RORB: variants seen among roughly 807,000 people sequenced by gnomAD.
RORB encodes nuclear receptor ROR-beta.
In RORB, 6 loss-of-function variants were observed where a neutral mutation model predicts 59.1. The ratio of observed to expected loss-of-function variants is 0.10; its 90% CI spans 0.06 to 0.20. The LOEUF is 0.20. RORB is among the 10% of genes least tolerant of loss of function. The pLI is 1.00. For synonymous variants in RORB, 215 were observed against 204.5 expected (o/e 1.05, Z -0.44); for missense variants, 320 against 560.5 (o/e 0.57, Z 4.33).
At chr9:74,634,537 G>A (rs1823671836) in intron 2 of RORB, 94 bp from the exon 3 acceptor site, 1 of 1,183,256 alleles carries the variant, frequency 8.5e-7, no homozygotes, top group Non-Finnish European at 1.2e-6. Flanking sequence ...ACTCAGTTAT[G>A]TTCACTGCAG....
chr9:74,622,519 AT>A (rs33946613), intron 1 of RORB, among the ~76,000 whole-genome samples: 936 of 74,050 alleles, frequency 0.013, 4 homozygotes, highest in African/African-American at 0.048. Flanking sequence ...TACAACCCAG[AT>A]TTTTTTTTTT....
At position 74,539,566 on chromosome 9, in the gene RORB, G is replaced by A. The variant is rs117376539; in HGVS notation, c.7+41583G>A. ...CTGTTTTAAAGTACTGGGCTACAGC[G>A]TTAAGAAGCCAGAAAACGTTCTTGC... On this transcript the variant is annotated intron_variant, in intron 1 of 9. Transcript: ENST00000376896. Among the ~76,000 whole-genome samples, 1,320 of 152,220 alleles carry A rather than the reference G, an allele frequency of 8.7e-3. 14 individuals are homozygous for A. Among genetic ancestry groups the A allele is most frequent in the Non-Finnish European group, 0.014 (973 of 68,016 alleles).
chr9:74,564,545 G>A (rs1445046542), intron 1 of RORB, among the ~76,000 whole-genome samples: 1 of 152,126 alleles, frequency 6.6e-6, no homozygotes, highest in African/African-American at 2.4e-5. Context: ...CATTGTACTT[G>A]TTTTGGCTGC....
At chr9:74,569,373 G>A (rs959155848) in intron 1 of RORB, among the ~76,000 whole-genome samples, 10 of 152,042 alleles carry the variant, frequency 6.6e-5, no homozygotes, top group Admixed American at 3.3e-4. Flanking sequence ...AAAGTATATA[G>A]TGTATAGTGT....
chr9:74,546,706 T>G (rs1022983925), intron 1 of RORB, among the ~76,000 whole-genome samples: 1 of 152,210 alleles, frequency 6.6e-6, no homozygotes, highest in Non-Finnish European at 1.5e-5. Flanking sequence ...TGGATTTGAT[T>G]GCTGTTGTCG....
At chr9:74,642,390 T>G (rs193180900) in intron 3 of RORB, 24 bp from the exon 4 acceptor site, 8 of 1,584,148 alleles carry the variant, frequency 5.1e-6, no homozygotes, top group Middle Eastern at 1.7e-4. Context: ...CAAGTGCTGT[T>G]TTCTGCTTTT....
rs75608227 is a variant in RORB, at chr9:74,543,015, C to T, written c.7+45032C>T. On this transcript the variant is annotated intron_variant, in intron 1 of 9. Coordinates refer to ENST00000376896, the MANE Select transcript of RORB (RefSeq NM_006914.4). ...AATGCTGTAGCATATATAAAATGCC[C>T]AGCATACTGCCTGGCATATTTTAGG... 5.3e-5 allele frequency among the ~76,000 whole-genome samples: 8 copies of T among 152,274 alleles called. No individual in the cohort carries two copies. The East Asian group carries it at 1.5e-3, about 29-fold the overall frequency.
intron 1 of RORB, among the ~76,000 whole-genome samples, chr9:74,570,297 G>C (rs1822532031): frequency 6.6e-6 from 1 of 152,046 alleles, no homozygotes; most frequent in Admixed American, 6.5e-5. Flanking sequence ...TGCTGAATGT[G>C]TAAATGAATA....
chr9:74,620,072 G>A (rs1823386671), intron 1 of RORB, among the ~76,000 whole-genome samples: 1 of 152,172 alleles, frequency 6.6e-6, no homozygotes. Flanking sequence ...GAGTTAGGGA[G>A]GATTTCCTCT....
intron 9 of RORB, among the ~76,000 whole-genome samples, chr9:74,683,101 GCC>G (rs944125961): frequency 5.3e-5 from 8 of 152,272 alleles, no homozygotes; most frequent in Non-Finnish European, 1.2e-4. Context: ...AAGCACCCCA[GCC>G]ACTCTTATTG....
In RORB at chr9:74,504,858, G is replaced by A. The variant is rs564665861; in HGVS notation, c.7+6875G>A. Among the ~76,000 whole-genome samples, 160 of 151,994 alleles carry A rather than the reference G, an allele frequency of 1.1e-3. 5 individuals carry two copies. The highest frequency in any genetic ancestry group is 8.2e-3 in the Admixed American group (125 of 15,264). On this transcript the variant is annotated intron_variant, in intron 1 of 9. Coordinates refer to ENST00000376896, the MANE Select transcript of RORB (RefSeq NM_006914.4). ...GTAAAGCTTTTTTCAATAAATAATT[G>A]CAATAAATTAATTTTAAATTGTGTA...
chr9:74,670,711 C>T, intron 8 of RORB, among the ~76,000 whole-genome samples: 1 of 152,144 alleles, frequency 6.6e-6, no homozygotes, highest in Non-Finnish European at 1.5e-5. Flanking sequence ...CCAGACAGCC[C>T]CCTATTCTTT....
At chr9:74,561,314 T>C in intron 1 of RORB, among the ~76,000 whole-genome samples, 1 of 152,082 alleles carries the variant, frequency 6.6e-6, no homozygotes, top group Non-Finnish European at 1.5e-5. Flanking sequence ...TCAGGAGAAA[T>C]AGTTAATAAA....
chr9:74,605,629 T>C lies in RORB; in HGVS notation c.8-24653T>C, dbSNP rs563831873. Among the ~76,000 whole-genome samples the C allele has an allele frequency of 7.2e-5, 11 of 152,312 alleles. No homozygotes were observed. In the South Asian group the frequency reaches 2.3e-3, roughly 32 times the overall value. ...AGTATGGGGGTTGGAAGCACAATTC[T>C]TCAAGACTTCTTCAAATAGAAGAAA... On this transcript the variant is annotated intron_variant, in intron 1 of 9. Coordinates refer to ENST00000376896, the MANE Select transcript of RORB (RefSeq NM_006914.4).
intron 1 of RORB, among the ~76,000 whole-genome samples, chr9:74,529,153 A>C (rs577709127): frequency 6.6e-6 from 1 of 152,002 alleles, no homozygotes; most frequent in Non-Finnish European, 1.5e-5. Context: ...ATTTCCAAGC[A>C]TGGACTTTTA....
At chr9:74,528,687 T>C (rs1826191384) in intron 1 of RORB, among the ~76,000 whole-genome samples, 1 of 152,064 alleles carries the variant, frequency 6.6e-6, no homozygotes, top group South Asian at 2.1e-4. Context: ...GAAATTATTT[T>C]CTTCTTCTTT....
chr9:74,501,636 A>G lies in RORB; in HGVS notation c.7+3653A>G, dbSNP rs1825804895. Among the ~76,000 whole-genome samples the G allele has an allele frequency of 2.6e-5, 4 of 152,222 alleles. No individual in the cohort carries two copies. The South Asian group carries it at 8.3e-4, about 32-fold the overall frequency. ...CTGTATTTCAACTATTGTTGAAATA[A>G]TATATAGCCATAAGAATAAAAATAT... On this transcript the variant is annotated intron_variant, in intron 1 of 9. Coordinates refer to ENST00000376896, the MANE Select transcript of RORB (RefSeq NM_006914.4).
intron 4 of RORB, among the ~76,000 whole-genome samples, chr9:74,652,222 C>G (rs1824004356): frequency 6.6e-6 from 1 of 152,186 alleles, no homozygotes; most frequent in Admixed American, 6.5e-5. Context: ...GACTGGCCAA[C>G]ATGGTGAAAC....
chr9:74,590,611 G>A (rs1247071322), intron 1 of RORB, among the ~76,000 whole-genome samples: 2 of 152,126 alleles, frequency 1.3e-5, no homozygotes, highest in Non-Finnish European at 2.9e-5. Flanking sequence ...CTCTTTCCAC[G>A]ATGTGCTGTC....
Sources: gnomAD v4.1 joint callset for allele counts (sites outside exome capture counted in the v4.1 genomes callset) on GRCh38, gnomAD v4.1.1 for gene constraint, MANE v1.5 for transcripts, NCBI Gene and HGNC (gene_info 2026-07-23, HGNC 2026-07-21) for gene names.